DNAH1: variants seen among roughly 807,000 people sequenced by gnomAD.
DNAH1 encodes the protein dynein axonemal heavy chain 1, also known as axonemal beta dynein heavy chain 1.
Under a neutral mutation model 484.3 loss-of-function variants are expected in DNAH1, and 327 were observed. The ratio of observed to expected loss-of-function variants is 0.68; its 90% CI spans 0.62 to 0.74. The LOEUF is 0.74. DNAH1 is among the 30% of genes least tolerant of loss of function. DNAH1 has a pLI of 0.00. For synonymous variants in DNAH1, 2,192 were observed against 2,191.9 expected, an observed-to-expected ratio of 1.00 and a Z score of 0.00; for missense variants, 5,052 against 5,546.8, an observed-to-expected ratio of 0.91 and a Z score of 2.83.
In DNAH1 at chr3:52,376,036, G is replaced by A. The variant is rs964134550; in HGVS notation, c.7198+43G>A. 36 of 1,604,632 alleles carry A rather than the reference G, an allele frequency of 2.2e-5. 2 individuals are homozygous for A. In the Middle Eastern group the frequency reaches 1.0e-3, roughly 44 times the overall value. On this transcript the variant is annotated intron_variant, in intron 46 of 77. Coordinates refer to ENST00000420323, the MANE Select transcript of DNAH1 (RefSeq NM_015512.5). ...CGGGAATGGGGCACTGGTTCCAGGAGGAGCCCTGGGCTCTGGTTGGGTGTG... is the reference window on the plus strand; with the variant it reads ...CGGGAATGGGGCACTGGTTCCAGGAAGAGCCCTGGGCTCTGGTTGGGTGTG...
Position 52,373,505 on chromosome 3 carries a change from A to G in DNAH1, c.6985+452A>G, listed in dbSNP as rs913167904. On this transcript the variant is annotated intron_variant, in intron 44 of 77. Transcript: ENST00000420323. ...AATCAGAGCAAATTTCCGTCAGGAA[A>G]AACAGCCTTGTTGCTGTCCCGTCTA... 9 of 1,460,566 alleles carry G rather than the reference A, an allele frequency of 6.2e-6. No homozygotes were observed. The African/African-American group carries it at 1.3e-4, about 21-fold the overall frequency. 90.5% of individuals were successfully genotyped at this position (1,460,566 alleles called of 1,614,324 possible).
chr3:52,342,704 G>A (rs1701994425), intron 8 of DNAH1, among the ~76,000 whole-genome samples: 2 of 152,166 alleles, frequency 1.3e-5, no homozygotes, highest in Non-Finnish European at 2.9e-5. Flanking sequence ...TGGTCAGTAG[G>A]GTGTGTGCAA....
At position 52,357,959 on chromosome 3, in the gene DNAH1, G is replaced by T. The variant is rs754032895; in HGVS notation, c.4042G>T (p.Ala1348Ser). Residue 1348 changes from alanine to serine, a missense_variant, in exon 24 of 78, where the codon GCC becomes TCC. Coordinates refer to ENST00000420323, the MANE Select transcript of DNAH1 (RefSeq NM_015512.5). Reference protein sequence around the residue: ...EILSQTKDPTAVQPHLRKCFE... With the variant: ...EILSQTKDPTSVQPHLRKCFE... ...CTTGTCGCAGACAAAGGACCCCACG[G>T]CCGTGCAGCCACACCTGCGCAAGTG... 1 of 1,613,082 alleles carries T rather than the reference G, an allele frequency of 6.2e-7. No homozygotes were observed. Among genetic ancestry groups the T allele is most frequent in the South Asian group, 1.1e-5 (1 of 91,056 alleles).
chr3:52,350,689 T>C (rs1269950556), intron 16 of DNAH1, 99 bp downstream of exon 16: 5 of 1,121,838 alleles, frequency 4.5e-6, no homozygotes, highest in Non-Finnish European at 6.6e-6. Context: ...CCACAGTCTG[T>C]GCAATCTCCC....
intron 21 of DNAH1, 147 bp from the exon 22 acceptor site, chr3:52,356,467 C>A: frequency 1.3e-6 from 1 of 760,858 alleles, no homozygotes; most frequent in Non-Finnish European, 2.1e-6. Flanking sequence ...ACAGCACCAT[C>A]TAGAAATCTC....
In DNAH1 at chr3:52,348,880, C is replaced by A; in HGVS notation, c.2107-8C>A. The A allele has an allele frequency of 6.2e-7, 1 of 1,611,514 alleles. No individual in the cohort carries two copies. The highest frequency in any genetic ancestry group is 8.5e-7 in the Non-Finnish European group (1 of 1,179,288). ...AGGTCTGCCCTGCCACATGCCTTCC[C>A]TCTGCAGCTGGTGATGGAGGACATC... is the stretch of plus-strand genomic sequence containing the variant. On this transcript the variant is annotated splice_polypyrimidine_tract_variant and splice_region_variant and intron_variant, in intron 12 of 77. Transcript: ENST00000420323.
Position 52,398,855 on chromosome 3 carries a change from A to T in DNAH1, c.12095A>T (p.Asn4032Ile). The T allele has an allele frequency of 6.5e-7, 1 of 1,540,980 alleles. No homozygotes were observed. Among genetic ancestry groups the T allele is most frequent in the Non-Finnish European group, 8.8e-7 (1 of 1,140,760 alleles). Residue 4032 changes from asparagine to isoleucine, a missense_variant, in exon 76 of 78, where the codon AAT (asparagine) becomes ATT (isoleucine). By Grantham distance (149) the Asn-to-Ile change is moderately radical. Transcript: ENST00000420323. ...TCTTGCCACTGGCCTCACAGGTACAATCGGCTGCTGCAGGTGATCACACAG... is the reference window on the plus strand; with the variant it reads ...TCTTGCCACTGGCCTCACAGGTACATTCGGCTGCTGCAGGTGATCACACAG... ...TVLVQEVIRY[N>I]RLLQVITQTL...
rs979764639 is a variant in DNAH1, at chr3:52,395,777, C to G, written c.11259+99C>G. On this transcript the variant is annotated intron_variant, in intron 70 of 77. Coordinates refer to ENST00000420323, the MANE Select transcript of DNAH1 (RefSeq NM_015512.5). This position sits in a 1 kb window ranked among gnomAD's most constrained non-coding sequence, Gnocchi z 4.4. ...AGAGAATCATGCCAAGCACTCTGCC[C>G]AGCCTCTAGCACGTGGCAAGTGCTC... is the stretch of plus-strand genomic sequence containing the variant. 1 of 1,498,122 alleles carries G rather than the reference C, an allele frequency of 6.7e-7. No homozygotes were observed. The highest frequency in any genetic ancestry group is 1.4e-5 in the African/African-American group (1 of 72,020). 92.8% of individuals were successfully genotyped at this position (1,498,122 alleles called of 1,614,324 possible).
At position 52,326,286 on chromosome 3, in the gene DNAH1, C is replaced by CTGGA; in HGVS notation, c.553_554insTGGA (p.Gln185LeufsTer8). On this transcript the variant is annotated frameshift_variant, in exon 4 of 78. Transcript: ENST00000420323. LOFTEE classifies it high-confidence loss of function. ...GGTGCCTTTCCAGGTGCTGCCAGGC[C>CTGGA]AGCATCCTCGCAAGATTGAGATCGA... 1 of 1,610,194 alleles carries CTGGA rather than the reference C, an allele frequency of 6.2e-7. No homozygotes were observed. The highest frequency in any genetic ancestry group is 8.5e-7 in the Non-Finnish European group (1 of 1,179,784).
At position 52,393,396 on chromosome 3, in the gene DNAH1, G is replaced by A. The variant is rs201247575; in HGVS notation, c.10537G>A (p.Val3513Ile). ...RYLTYSLYSN[V>I]CRSLFEKHKL... ...CCTGACCTACAGCCTCTACAGCAACGTCTGCCGCAGCCTCTTTGAGAAGCA... is the reference window on the plus strand; with the variant it reads ...CCTGACCTACAGCCTCTACAGCAACATCTGCCGCAGCCTCTTTGAGAAGCA... The change falls in exon 66 of 78, where the codon GTC becomes ATC. Residue 3513 changes from valine to isoleucine, a missense_variant. Physicochemically the swap from Val to Ile is conservative, Grantham distance 29. Coordinates refer to ENST00000420323, the MANE Select transcript of DNAH1 (RefSeq NM_015512.5). 1.9e-4 allele frequency: 304 copies of A among 1,613,888 alleles called. No homozygotes were observed. The highest frequency in any genetic ancestry group is 2.2e-4 in the Non-Finnish European group (261 of 1,179,912).
chr3:52,348,064 G>A, intron 12 of DNAH1, 90 bp downstream of exon 12: 1 of 1,355,066 alleles, frequency 7.4e-7, no homozygotes, highest in Non-Finnish European at 1.0e-6. Context: ...CAGTTCAACT[G>A]TATCACAGGC....
rs1023259573 is a variant in DNAH1 at position 52,371,963 on chromosome 3, G to C, written c.6543G>C (p.Trp2181Cys). ...GATTCCAGGTTGCCTGGGTGAAGTG[G>C]ATGGACTCCTCAGCTCCATTCACCA... ...EEYKQVAWVK[W>C]MDSSAPFTMV... is the part of the protein sequence containing the mutation. Residue 2181 changes from tryptophan (W) to cysteine (C), a missense_variant, in exon 42 of 78, where the codon TGG becomes TGC. Around this residue, in one of 4 missense-constraint regions of DNAH1, gnomAD observed 2,929 missense variants for 3,409.4 expected, o/e 0.86. Transcript: ENST00000420323. The C allele has an allele frequency of 6.2e-7, 1 of 1,613,648 alleles. No homozygotes were observed. The highest frequency in any genetic ancestry group is 1.6e-4 in the Middle Eastern group (1 of 6,062).
Position 52,364,842 on chromosome 3 carries a change from T to C in DNAH1, c.5341T>C (p.Cys1781Arg), listed in dbSNP as rs1250042978. 1 of 1,613,112 alleles carries C rather than the reference T, an allele frequency of 6.2e-7. No individual in the cohort carries two copies. Among genetic ancestry groups the C allele is most frequent in the Admixed American group, 1.7e-5 (1 of 59,980 alleles). Residue 1781 changes from cysteine (C) to arginine (R), a missense_variant, in exon 34 of 78, where the codon TGC becomes CGC. Coordinates refer to ENST00000420323, the MANE Select transcript of DNAH1 (RefSeq NM_015512.5). This position sits in a 1 kb window ranked among gnomAD's most constrained non-coding sequence, Gnocchi z 4.2. ...CCGGCACCTGCTGCAGGAGCTGATCTGCCTCCGGGCCATCCGTGATGTGAA... is the reference window on the plus strand; with the variant it reads ...CCGGCACCTGCTGCAGGAGCTGATCCGCCTCCGGGCCATCCGTGATGTGAA... ...ENPSMNEELI[C>R]LRAIRDVNVP... is the part of the protein sequence containing the mutation.
At position 52,364,704 on chromosome 3, in the gene DNAH1, G is replaced by A. The variant is rs1479169341; in HGVS notation, c.5311G>A (p.Glu1771Lys). ...CTCGGCTGCTGGGAACCTCAAGCGA[G>A]AAAACCCCAGCATGAATGAGGTGAG... is the stretch of plus-strand genomic sequence containing the variant. The part of the protein sequence containing the change: ...VISAAGNLKR[E>K]NPSMNEELIC... Residue 1771 changes from glutamate to lysine, a missense_variant, in exon 33 of 78, where the codon GAA becomes AAA. This residue lies in a region of DNAH1 where 2,929 missense variants were observed against 3,409.4 expected (regional missense o/e 0.86). Coordinates refer to ENST00000420323, the MANE Select transcript of DNAH1 (RefSeq NM_015512.5). This position sits in a 1 kb window ranked among gnomAD's most constrained non-coding sequence, Gnocchi z 4.2. The A allele has an allele frequency of 4.3e-6, 7 of 1,613,616 alleles. No individual in the cohort carries two copies. Among genetic ancestry groups the A allele is most frequent in the East Asian group, 4.5e-5 (2 of 44,898 alleles).
chr3:52,357,798 G>T, intron 23 of DNAH1, 63 bp downstream of exon 23: 2 of 1,573,410 alleles, frequency 1.3e-6, no homozygotes, highest in South Asian at 2.3e-5. Flanking sequence ...GGTGTCCAGG[G>T]CCCTGCTCAG....
In DNAH1 at chr3:52,353,310, C is replaced by A. The variant is rs535582324; in HGVS notation, c.3226+9C>A. 6.2e-7 allele frequency: 1 copy of A among 1,610,164 alleles called. No individual in the cohort carries two copies. The highest frequency in any genetic ancestry group is 1.3e-5 in the African/African-American group (1 of 74,896). ...GTTTAAGGACATGCCAGGTAGGGAG[C>A]CAAGCCGGCCAATCCCCTCCTCCCT... On this transcript the variant is annotated intron_variant, in intron 19 of 77. Transcript: ENST00000420323. The surrounding 1 kb of genome is among the most constrained non-coding windows in gnomAD (Gnocchi z 5.0).
chr3:52,322,356 G>A (rs951295710), intron 1 of DNAH1, 53 bp from the exon 2 acceptor site: 16 of 1,296,858 alleles, frequency 1.2e-5, no homozygotes, highest in South Asian at 5.6e-5. Context: ...CATGTGTCTC[G>A]GGGCTAAGAC....
intron 75 of DNAH1, 138 bp downstream of exon 75, chr3:52,398,300 T>TGACACGGAGTCTCTCTCTGTTGCC (rs1704731128): frequency 8.7e-7 from 1 of 1,150,298 alleles, no homozygotes; most frequent in Non-Finnish European, 1.2e-6. Context: ...TTGTTGTTGT[T>TGACACGGAGTCTCTCTCTGTTGCC]GACACGGAGT....
At chr3:52,354,731 C>A in intron 20 of DNAH1, 112 bp from the exon 21 acceptor site, 1 of 989,116 alleles carries the variant, frequency 1.0e-6, no homozygotes, top group Non-Finnish European at 1.5e-6. Flanking sequence ...GCCAGAGCGG[C>A]CATGTGGAGG....
Sources: allele counts gnomAD v4.1 joint callset (sites outside exome capture counted in the v4.1 genomes callset), GRCh38; gene constraint gnomAD v4.1.1; regional missense constraint gnomAD v4.1.1; non-coding constraint Gnocchi (gnomAD v3.1); transcripts MANE v1.5; gene names NCBI Gene and HGNC (gene_info 2026-07-23, HGNC 2026-07-21).